Variants in ARHGEF38 observed in about 807,000 individuals in gnomAD.
ARHGEF38 encodes the protein Rho guanine nucleotide exchange factor 38.
Under a neutral mutation model 79.9 loss-of-function variants are expected in ARHGEF38, and 79 were observed. That is an observed-to-expected ratio of 0.99 (90% CI 0.82 to 1.19). The LOEUF is 1.19. Among genes scored for constraint, ARHGEF38 ranks in the 50% most tolerant of loss-of-function variants. The pLI is 0.00. For synonymous variants in ARHGEF38, 366 were observed against 328.3 expected, an observed-to-expected ratio of 1.11 and a Z score of -1.24; for missense variants, 962 against 907.2, an observed-to-expected ratio of 1.06 and a Z score of -0.78.
intron 11 of ARHGEF38, 67 bp from the exon 12 acceptor site, chr4:105,667,061 AT>A: frequency 3.0e-6 from 4 of 1,317,468 alleles, no homozygotes; most frequent in Non-Finnish European, 4.1e-6. Flanking sequence ...GGGAAAAAAT[AT>A]TTACCAACTC....
At chr4:105,576,487 A>G (rs901963223) in intron 1 of ARHGEF38, among the ~76,000 whole-genome samples, 1 of 150,686 alleles carries the variant, frequency 6.6e-6, no homozygotes, top group South Asian at 2.1e-4. Context: ...GTTGGTATAT[A>G]GCAAGCAGCA....
intron 13 of ARHGEF38, among the ~76,000 whole-genome samples, chr4:105,672,696 C>A (rs915241496): frequency 1.3e-5 from 2 of 152,158 alleles, no homozygotes; most frequent in Non-Finnish European, 2.9e-5. Flanking sequence ...TAGCTGGATG[C>A]CCTGCTTAAG....
intron 10 of ARHGEF38, among the ~76,000 whole-genome samples, chr4:105,662,288 T>C (rs1392166971): frequency 6.6e-6 from 1 of 152,162 alleles, no homozygotes; most frequent in African/African-American, 2.4e-5. Context: ...AGCAGCAATG[T>C]ATATGCTAGG....
intron 8 of ARHGEF38, among the ~76,000 whole-genome samples, chr4:105,655,205 A>G (rs1390664159): frequency 6.6e-6 from 1 of 152,242 alleles, no homozygotes; most frequent in African/African-American, 2.4e-5. Context: ...TTCCACTAAT[A>G]GATTCAACAA....
At chr4:105,592,900 G>C (rs1220752806) in intron 2 of ARHGEF38, among the ~76,000 whole-genome samples, 2 of 152,116 alleles carry the variant, frequency 1.3e-5, no homozygotes, top group African/African-American at 4.8e-5. Flanking sequence ...TCTAATGAAG[G>C]ATGACCTCTC....
At chr4:105,566,816 C>T (rs187210673) in intron 1 of ARHGEF38, among the ~76,000 whole-genome samples, 15 of 150,762 alleles carry the variant, frequency 9.9e-5, no homozygotes, top group African/African-American at 2.9e-4. Flanking sequence ...TGCAATGGCA[C>T]GATCTTGGCT....
At chr4:105,604,233 G>A (rs1345201287) in intron 2 of ARHGEF38, among the ~76,000 whole-genome samples, 1 of 152,164 alleles carries the variant, frequency 6.6e-6, no homozygotes, top group Non-Finnish European at 1.5e-5. Context: ...TAGATGTCAT[G>A]ATCAAGTGAC....
chr4:105,578,012 A>T (rs1006207704), intron 1 of ARHGEF38, among the ~76,000 whole-genome samples: 15 of 152,020 alleles, frequency 9.9e-5, no homozygotes, highest in Admixed American at 3.9e-4. Flanking sequence ...AAGGTGTAAC[A>T]TTAGATTGTC....
chr4:105,588,430 C>A (rs1184552961), intron 1 of ARHGEF38, among the ~76,000 whole-genome samples: 1 of 152,206 alleles, frequency 6.6e-6, no homozygotes, highest in Non-Finnish European at 1.5e-5. Flanking sequence ...ATGTTTATCG[C>A]CACTTTGATT....
intron 13 of ARHGEF38, among the ~76,000 whole-genome samples, chr4:105,673,721 AAGATGGGAGGAAGG>A (rs1158153119): frequency 2.6e-5 from 4 of 152,146 alleles, no homozygotes; most frequent in African/African-American, 9.6e-5. Flanking sequence ...GGAAGAGAGG[AAGATGGGAGGAAGG>A]AAAAGAAGAT....
intron 13 of ARHGEF38, among the ~76,000 whole-genome samples, chr4:105,669,002 T>C (rs1252487635): frequency 6.6e-6 from 1 of 152,110 alleles, no homozygotes; most frequent in Non-Finnish European, 1.5e-5. Context: ...GCCGTGATCA[T>C]GCCACTGCAC....
chr4:105,660,952 G>T (rs553788262), intron 10 of ARHGEF38, among the ~76,000 whole-genome samples: 1 of 151,982 alleles, frequency 6.6e-6, no homozygotes, highest in South Asian at 2.1e-4. Context: ...CATTGTCGTG[G>T]CCCCCTAAAG....
chr4:105,611,826 C>T (rs969561391), intron 2 of ARHGEF38, among the ~76,000 whole-genome samples: 1 of 151,970 alleles, frequency 6.6e-6, no homozygotes, highest in Non-Finnish European at 1.5e-5. Flanking sequence ...ATACATAAAA[C>T]TAGTTTTTTA....
chr4:105,592,409 A>C (rs1727381900), intron 2 of ARHGEF38, among the ~76,000 whole-genome samples: 2 of 151,858 alleles, frequency 1.3e-5, no homozygotes, highest in African/African-American at 4.8e-5. Flanking sequence ...GATTTCTGAC[A>C]ACCTTCTGAT....
At chr4:105,557,113 G>C (rs1474815103) in intron 1 of ARHGEF38, among the ~76,000 whole-genome samples, 1 of 152,102 alleles carries the variant, frequency 6.6e-6, no homozygotes, top group Non-Finnish European at 1.5e-5. Context: ...TAAAAACTCA[G>C]AAAGGGTTTC....
chr4:105,597,463 C>G (rs188167406), intron 2 of ARHGEF38, among the ~76,000 whole-genome samples: 3 of 152,148 alleles, frequency 2.0e-5, no homozygotes, highest in Admixed American at 2.0e-4. Context: ...AATTCTCTCT[C>G]TCTTTCTTTT....
At chr4:105,615,339 T>C (rs576728236) in intron 3 of ARHGEF38, among the ~76,000 whole-genome samples, 18 of 152,296 alleles carry the variant, frequency 1.2e-4, no homozygotes, top group South Asian at 8.3e-4. Flanking sequence ...CTGAACAGCA[T>C]GCAGAGGAGG....
At chr4:105,628,694 A>G (rs1243773331) in intron 3 of ARHGEF38, among the ~76,000 whole-genome samples, 1 of 152,056 alleles carries the variant, frequency 6.6e-6, no homozygotes, top group Non-Finnish European at 1.5e-5. Context: ...CAAAAATCTT[A>G]AAACACACAC....
chr4:105,623,558 C>G (rs1356191670), intron 3 of ARHGEF38, among the ~76,000 whole-genome samples: 1 of 152,106 alleles, frequency 6.6e-6, no homozygotes, highest in Non-Finnish European at 1.5e-5. Flanking sequence ...TCTCAGAGAA[C>G]CAATGTTGCC....
Sources: gnomAD v4.1 joint callset for allele counts (sites outside exome capture counted in the v4.1 genomes callset) on GRCh38, gnomAD v4.1.1 for gene constraint, MANE v1.5 for transcripts, NCBI Gene and HGNC (gene_info 2026-07-23, HGNC 2026-07-21) for gene names.